ALK: variants seen among roughly 807,000 people sequenced by gnomAD.
ALK encodes ALK tyrosine kinase receptor.
Under a neutral mutation model 163.1 loss-of-function variants are expected in ALK, and 74 were observed. The observed-to-expected ratio is 0.45, with a 90% CI of 0.38 to 0.55. The LOEUF (loss-of-function observed/expected upper bound fraction) is 0.55. Ranked by LOEUF, ALK falls within the 20% of genes least tolerant of loss-of-function variation. ALK has a pLI of 0.00. For synonymous variants in ALK, 960 were observed against 843.2 expected, an observed-to-expected ratio of 1.14 and a Z score of -2.40; for missense variants, 2,063 against 2,105.3, an observed-to-expected ratio of 0.98 and a Z score of 0.39.
At chr2:29,439,662 C>A (rs1489075586) in intron 4 of ALK, among the ~76,000 whole-genome samples, 2 of 144,428 alleles carry the variant, frequency 1.4e-5, no homozygotes, top group Non-Finnish European at 3.0e-5. Flanking sequence ...GGGCCCTGAT[C>A]CAACGGGACT....
At chr2:29,617,565 C>G (rs1252555359) in intron 3 of ALK, among the ~76,000 whole-genome samples, 1 of 152,210 alleles carries the variant, frequency 6.6e-6, no homozygotes, top group Admixed American at 6.5e-5. Context: ...GTCTCAGGCT[C>G]CTCTGAGCCT....
chr2:29,647,286 G>A (rs1228794274), intron 3 of ALK, among the ~76,000 whole-genome samples: 1 of 152,140 alleles, frequency 6.6e-6, no homozygotes, highest in Non-Finnish European at 1.5e-5. Flanking sequence ...GTTCAGATGA[G>A]CTGCCACTAG....
chr2:29,428,714 T>C (rs901937834), intron 4 of ALK, among the ~76,000 whole-genome samples: 1 of 152,008 alleles, frequency 6.6e-6, no homozygotes, highest in Non-Finnish European at 1.5e-5. Flanking sequence ...TATTACAAAC[T>C]CTTTCAAACA....
Position 29,442,580 on chromosome 2 carries a change from C to T in ALK, c.1155-58721G>A, listed in dbSNP as rs141102623. ...GTACTCTCCCTTAGCCTTTCTGAGC[C>T]TCTGCTTTTTCACTGGTAAAAATGG... On this transcript the variant is annotated intron_variant, in intron 4 of 28. Transcript: ENST00000389048. 2.4e-3 allele frequency among the ~76,000 whole-genome samples: 368 copies of T among 152,198 alleles called. 2 individuals carry two copies. The highest frequency in any genetic ancestry group is 8.5e-3 in the African/African-American group (351 of 41,538).
chr2:29,369,139 C>T (rs1418021246), intron 5 of ALK, among the ~76,000 whole-genome samples: 1 of 152,182 alleles, frequency 6.6e-6, no homozygotes. Flanking sequence ...ACCTTCTTAT[C>T]TACCTAGAGC....
intron 1 of ALK, among the ~76,000 whole-genome samples, chr2:29,865,187 T>C (rs1666400767): frequency 1.3e-5 from 2 of 152,242 alleles, no homozygotes; most frequent in Admixed American, 1.3e-4. Context: ...GCATGTGTCC[T>C]CCATGGGACT....
chr2:29,478,575 T>C (rs1369013076), intron 4 of ALK, among the ~76,000 whole-genome samples: 1 of 152,266 alleles, frequency 6.6e-6, no homozygotes, highest in Non-Finnish European at 1.5e-5. Flanking sequence ...AATGAGCTCA[T>C]GCTGTGCTCT....
Position 29,886,296 on chromosome 2 carries a change from T to G in ALK, c.667+33697A>C, listed in dbSNP as rs145160987. 1.7e-3 allele frequency among the ~76,000 whole-genome samples: 255 copies of G among 152,326 alleles called. 1 individual carries two copies. The highest frequency in any genetic ancestry group is 6.8e-3 in the Middle Eastern group (2 of 294). ...TAGTGGTTAATCATAATAGTAGTTA[T>G]GTTTTTGGGAAGTCAAATGTTCTAC... On this transcript the variant is annotated intron_variant, in intron 1 of 28. Transcript: ENST00000389048.
chr2:29,417,690 G>A (rs562836287), intron 4 of ALK, among the ~76,000 whole-genome samples: 7 of 152,300 alleles, frequency 4.6e-5, no homozygotes, highest in East Asian at 1.9e-4. Context: ...CCAAGTGGAC[G>A]GTTTCCTACC....
At position 29,272,185 on chromosome 2, in the gene ALK, G is replaced by GGAGAGAGA. The variant is rs57649688; in HGVS notation, c.2041+2906_2041+2913dup. On this transcript the variant is annotated intron_variant, in intron 11 of 28. Transcript: ENST00000389048. ...AGAGAGAAGGAGGGAGTCGGGTGAGGGAGAGAGAGAGAGAGAGAGAGAGAG... is the reference window on the plus strand; with the variant it reads ...AGAGAGAAGGAGGGAGTCGGGTGAGGGAGAGAGAGAGAGAGAGAGAGAGAGAGAGAGAG... Among the ~76,000 whole-genome samples the GGAGAGAGA allele has an allele frequency of 8.0e-3, 1,163 of 145,224 alleles. 16 individuals are homozygous for GGAGAGAGA. Among genetic ancestry groups the GGAGAGAGA allele is most frequent in the African/African-American group, 0.027 (1,075 of 39,702 alleles).
chr2:29,688,309 G>A (rs758623298), intron 3 of ALK, among the ~76,000 whole-genome samples: 2 of 152,156 alleles, frequency 1.3e-5, no homozygotes, highest in Non-Finnish European at 2.9e-5. Flanking sequence ...GGAACGTTGG[G>A]GCCAGGGTAA....
chr2:29,413,432 C>T (rs1204684245), intron 4 of ALK, among the ~76,000 whole-genome samples: 3 of 152,106 alleles, frequency 2.0e-5, no homozygotes, highest in South Asian at 4.2e-4. Flanking sequence ...CTGCAACCTC[C>T]GCCTCCCAGG....
chr2:29,725,043 A>T (rs1025203179), intron 1 of ALK, among the ~76,000 whole-genome samples: 11 of 151,674 alleles, frequency 7.3e-5, no homozygotes, highest in African/African-American at 2.7e-4. Context: ...CTGCCAGCCA[A>T]TGAAAGCATG....
chr2:29,533,862 G>C (rs1236034109), intron 3 of ALK, among the ~76,000 whole-genome samples: 3 of 152,132 alleles, frequency 2.0e-5, no homozygotes, highest in African/African-American at 7.2e-5. Context: ...AACATGTTGG[G>C]AGCCTTCAGG....
intron 4 of ALK, among the ~76,000 whole-genome samples, chr2:29,477,706 A>G (rs1464906997): frequency 2.0e-5 from 3 of 152,158 alleles, no homozygotes; most frequent in South Asian, 2.1e-4. Context: ...CAGCAGGCAG[A>G]GGGATGGAGA....
chr2:29,920,205 T>C lies in ALK; in HGVS notation c.455A>G (p.Glu152Gly), dbSNP rs1553380301. The change falls in exon 1 of 29, where the codon GAG (glutamate) becomes GGG (glycine). Residue 152 changes from glutamate (E) to glycine (G), a missense_variant. Coordinates refer to ENST00000389048, the MANE Select transcript of ALK (RefSeq NM_004304.5). ...VLELGEEAIL[E>G]GCVGPPGEAA... ...CTCCCCGGGGGGCCCGACGCAACCC[T>C]CCAAGATCGCCTCCTCGCCCAGCTC... 1 of 1,613,270 alleles carries C rather than the reference T, an allele frequency of 6.2e-7. No individual in the cohort carries two copies. Among genetic ancestry groups the C allele is most frequent in the African/African-American group, 1.3e-5 (1 of 75,042 alleles).
rs1010609716 is a variant in ALK, at chr2:29,532,167, G to A, written c.953-51C>T. 6 of 1,555,420 alleles carry A rather than the reference G, an allele frequency of 3.9e-6. No individual in the cohort carries two copies. The African/African-American group carries it at 8.2e-5, about 21-fold the overall frequency. On this transcript the variant is annotated intron_variant, in intron 3 of 28. Coordinates refer to ENST00000389048, the MANE Select transcript of ALK (RefSeq NM_004304.5). ...CTGCAGATGTGTTCAGGTAAGACCA[G>A]CAGTAGCTCTGTGGCAAGACTTAGA...
intron 3 of ALK, among the ~76,000 whole-genome samples, chr2:29,679,356 C>CT (rs377199663): frequency 8.4e-4 from 127 of 151,390 alleles, no homozygotes; most frequent in Non-Finnish European, 1.5e-3. Flanking sequence ...ATCTTTCTTC[C>CT]TTTTTTTTCA....
At position 29,227,710 on chromosome 2, in the gene ALK, TG is replaced by T. The variant is rs768572420; in HGVS notation, c.2816-39del. 6.4e-7 allele frequency: 1 copy of T among 1,557,424 alleles called. No individual in the cohort carries two copies. Among genetic ancestry groups the T allele is most frequent in the South Asian group, 1.1e-5 (1 of 89,846 alleles). ...CCAGAGCAGAGTTTAACATGGGGGG[TG>T]GGTGCCAAAATCTTAACACACACAC... On this transcript the variant is annotated intron_variant, in intron 16 of 28. Coordinates refer to ENST00000389048, the MANE Select transcript of ALK (RefSeq NM_004304.5). The surrounding 1 kb of genome is among the most constrained non-coding windows in gnomAD (Gnocchi z 4.4).
Sources: allele counts gnomAD v4.1 joint callset (sites outside exome capture counted in the v4.1 genomes callset), GRCh38; gene constraint gnomAD v4.1.1; non-coding constraint Gnocchi (gnomAD v3.1); transcripts MANE v1.5; gene names NCBI Gene and HGNC (gene_info 2026-07-23, HGNC 2026-07-21).